Variants in COL24A1 observed in about 807,000 individuals in gnomAD.
COL24A1 encodes collagen alpha-1(XXIV) chain.
A neutral mutation model predicts 253.9 loss-of-function variants in COL24A1; 224 were observed. The ratio of observed to expected loss-of-function variants is 0.88; its 90% CI spans 0.79 to 0.99. The LOEUF is 0.99. COL24A1 is among the 50% of genes least tolerant of loss of function. COL24A1 has a pLI of 0.00. For missense variants in COL24A1, 2,131 were observed against 2,068.5 expected, an observed-to-expected ratio of 1.03 and a Z score of -0.59; for synonymous variants, 685 against 673.7, an observed-to-expected ratio of 1.02 and a Z score of -0.26.
chr1:86,001,799 A>G (rs1695441771), intron 19 of COL24A1, among the ~76,000 whole-genome samples: 1 of 152,180 alleles, frequency 6.6e-6, no homozygotes, highest in African/African-American at 2.4e-5. Flanking sequence ...CTCAGGAAAA[A>G]AAGTTCTTCA....
chr1:85,997,972 G>C (rs531709746), intron 19 of COL24A1, among the ~76,000 whole-genome samples: 69 of 152,252 alleles, frequency 4.5e-4, no homozygotes, highest in African/African-American at 1.6e-3. Flanking sequence ...GCCAGGATAA[G>C]ATTTACAGAG....
At chr1:85,953,198 A>G (rs1446374061) in intron 24 of COL24A1, among the ~76,000 whole-genome samples, 1 of 152,202 alleles carries the variant, frequency 6.6e-6, no homozygotes, top group Non-Finnish European at 1.5e-5. Context: ...GTTTTTATGC[A>G]AACTAGCTTC....
At chr1:86,122,485 G>A (rs950834172) in intron 3 of COL24A1, among the ~76,000 whole-genome samples, 2 of 151,846 alleles carry the variant, frequency 1.3e-5, no homozygotes, top group African/African-American at 4.8e-5. Flanking sequence ...CCCCAGCCTT[G>A]ACATCTATTC....
At chr1:85,827,653 G>A (rs573467390) in intron 43 of COL24A1, among the ~76,000 whole-genome samples, 1 of 152,150 alleles carries the variant, frequency 6.6e-6, no homozygotes, top group African/African-American at 2.4e-5. Context: ...TTAGTCTTGG[G>A]AGGGTGTATG....
chr1:86,102,440 T>C (rs1279594139), intron 5 of COL24A1, among the ~76,000 whole-genome samples: 1 of 152,210 alleles, frequency 6.6e-6, no homozygotes, highest in Non-Finnish European at 1.5e-5. Context: ...TGAGGTTAGT[T>C]TTCTCTTGGT....
intron 7 of COL24A1, among the ~76,000 whole-genome samples, chr1:86,075,116 A>G (rs1309162716): frequency 6.6e-6 from 1 of 152,188 alleles, no homozygotes; most frequent in Non-Finnish European, 1.5e-5. Flanking sequence ...GTTTCTAAAA[A>G]AAGATCAACA....
chr1:85,841,409 A>G (rs1676599832), intron 41 of COL24A1, 131 bp from the exon 42 acceptor site: 2 of 609,038 alleles, frequency 3.3e-6, no homozygotes, highest in Non-Finnish European at 5.6e-6. Flanking sequence ...GAAAACTTTG[A>G]TGTAAGAAAC....
intron 22 of COL24A1, among the ~76,000 whole-genome samples, chr1:85,965,926 T>C (rs1691528371): frequency 6.6e-6 from 1 of 152,150 alleles, no homozygotes; most frequent in Admixed American, 6.6e-5. Flanking sequence ...CCTTGCAGGT[T>C]GCAGTTAGGA....
chr1:85,976,878 G>T (rs1692738549), intron 20 of COL24A1, among the ~76,000 whole-genome samples: 2 of 152,202 alleles, frequency 1.3e-5, no homozygotes, highest in Admixed American at 1.3e-4. Context: ...GCTAACCAGA[G>T]GTCCTGAGTC....
intron 20 of COL24A1, among the ~76,000 whole-genome samples, chr1:85,983,423 C>T (rs1284436276): frequency 6.6e-6 from 1 of 151,882 alleles, no homozygotes; most frequent in Non-Finnish European, 1.5e-5. Context: ...CTATAATTAA[C>T]ACAAGTTTCC....
Position 85,911,440 on chromosome 1 carries a change from G to A in COL24A1, c.2563-7C>T. On this transcript the variant is annotated splice_region_variant and splice_polypyrimidine_tract_variant and intron_variant, in intron 24 of 59. Coordinates refer to ENST00000370571, the MANE Select transcript of COL24A1 (RefSeq NM_152890.7). ...CAGGTAAGCCAACAGGTCCCTTTTA[G>A]GAAAAAAAAATAACAGAAAATACAC... 1.9e-6 allele frequency: 3 copies of A among 1,608,806 alleles called. No homozygotes were observed. The highest frequency in any genetic ancestry group is 2.2e-5 in the East Asian group (1 of 44,772).
chr1:85,824,832 G>A lies in COL24A1; in HGVS notation c.3682-1094C>T, dbSNP rs568926881. On this transcript the variant is annotated intron_variant, in intron 43 of 59. Transcript: ENST00000370571. ...ATACGTTACAGAAAGAATGCCTTAG[G>A]AAAGAGTTATCAGTCCCATCTCCTG... Among the ~76,000 whole-genome samples, 80 of 152,064 alleles carry A rather than the reference G, an allele frequency of 5.3e-4. 2 individuals carry two copies. The South Asian group carries it at 0.016, about 31-fold the overall frequency.
intron 24 of COL24A1, among the ~76,000 whole-genome samples, chr1:85,950,896 A>AAC (rs1323713050): frequency 6.6e-6 from 1 of 152,248 alleles, no homozygotes; most frequent in Non-Finnish European, 1.5e-5. Context: ...AGTAGAAGCC[A>AAC]GGTGAGCTGT....
intron 47 of COL24A1, among the ~76,000 whole-genome samples, chr1:85,789,107 A>G (rs1330199320): frequency 6.6e-6 from 1 of 152,138 alleles, no homozygotes; most frequent in African/African-American, 2.4e-5. Context: ...AAGAATGTCA[A>G]TGGTAGTTTT....
chr1:85,980,537 G>A (rs907972971), intron 20 of COL24A1, among the ~76,000 whole-genome samples: 2 of 152,068 alleles, frequency 1.3e-5, no homozygotes, highest in South Asian at 2.1e-4. Context: ...CACCAACAAC[G>A]AGCAAGCTGA....
intron 43 of COL24A1, among the ~76,000 whole-genome samples, chr1:85,837,686 A>T (rs1324903504): frequency 6.6e-6 from 1 of 152,248 alleles, no homozygotes; most frequent in Non-Finnish European, 1.5e-5. Context: ...GAATGACTTA[A>T]ATAAATAATA....
intron 24 of COL24A1, among the ~76,000 whole-genome samples, chr1:85,925,779 TA>T (rs1201899367): frequency 1.3e-5 from 2 of 152,042 alleles, no homozygotes; most frequent in African/African-American, 4.8e-5. Context: ...ACTTCATGAC[TA>T]AAACACCAAA....
intron 24 of COL24A1, among the ~76,000 whole-genome samples, chr1:85,921,077 A>G (rs1361615850): frequency 6.6e-6 from 1 of 152,084 alleles, no homozygotes; most frequent in African/African-American, 2.4e-5. Flanking sequence ...TCTCATTGGG[A>G]CTGGTTGGAC....
intron 33 of COL24A1, among the ~76,000 whole-genome samples, chr1:85,876,596 G>A (rs902218706): frequency 1.3e-5 from 2 of 152,080 alleles, no homozygotes; most frequent in Non-Finnish European, 2.9e-5. Context: ...ACTAAGCCAA[G>A]GAAGTAAAAG....
Sources: gnomAD v4.1 joint callset for allele counts (sites outside exome capture counted in the v4.1 genomes callset) on GRCh38, gnomAD v4.1.1 for gene constraint, MANE v1.5 for transcripts, NCBI Gene and HGNC (gene_info 2026-07-23, HGNC 2026-07-21) for gene names.